The following ARMC3 variants were observed in gnomAD, a reference collection of about 807,000 sequenced individuals.
ARMC3 encodes the protein armadillo repeat containing 3.
A neutral mutation model predicts 90.3 loss-of-function variants in ARMC3; 74 were observed. The observed-to-expected ratio is 0.82, with a 90% CI of 0.68 to 0.99. ARMC3 has a LOEUF of 0.99. Ranked by LOEUF, ARMC3 falls within the 50% of genes least tolerant of loss-of-function variation. The pLI is 0.00. For missense variants in ARMC3, 958 were observed against 1,042.8 expected (o/e 0.92, Z 1.12); for synonymous variants, 334 against 361.8 (o/e 0.92, Z 0.87).
At chr10:23,023,090 C>A (rs1838575303) in intron 16 of ARMC3, among the ~76,000 whole-genome samples, 1 of 152,114 alleles carries the variant, frequency 6.6e-6, no homozygotes, top group Non-Finnish European at 1.5e-5. Context: ...ATCCATCTTA[C>A]ACAGGCTGGG....
chr10:22,995,097 G>A lies in ARMC3; in HGVS notation c.1176-3051G>A, dbSNP rs188489105. Among the ~76,000 whole-genome samples, 35 of 152,270 alleles carry A rather than the reference G, an allele frequency of 2.3e-4. 1 individual carries two copies. In the East Asian group the frequency reaches 6.8e-3, roughly 29 times the overall value. ...CTTCCATCCCATTCATTTGGATAAT[G>A]CTATACTATTTGGGAAACCAAAATA... On this transcript the variant is annotated intron_variant, in intron 10 of 18. Transcript: ENST00000298032.
intron 8 of ARMC3, among the ~76,000 whole-genome samples, chr10:22,970,654 C>T (rs771994122): frequency 2.0e-5 from 3 of 152,136 alleles, no homozygotes; most frequent in South Asian, 2.1e-4. Flanking sequence ...AACAGAGATG[C>T]GGTGTTCAGG....
intron 16 of ARMC3, among the ~76,000 whole-genome samples, chr10:23,013,617 G>A (rs1378066878): frequency 6.6e-6 from 1 of 151,982 alleles, no homozygotes; most frequent in Non-Finnish European, 1.5e-5. Flanking sequence ...TAGTTTCATG[G>A]TGAGAACATT....
chr10:22,950,997 G>C (rs1834719611), intron 3 of ARMC3, among the ~76,000 whole-genome samples: 1 of 151,366 alleles, frequency 6.6e-6, no homozygotes. Context: ...GAGTGCAGTG[G>C]CGCAATCTCG....
intron 11 of ARMC3, among the ~76,000 whole-genome samples, chr10:22,999,625 G>A (rs1837185008): frequency 6.6e-6 from 1 of 152,196 alleles, no homozygotes; most frequent in Admixed American, 6.5e-5. Context: ...AGGTATGTTT[G>A]TAATCCACAT....
At chr10:22,935,633 T>C (rs1834078678) in intron 2 of ARMC3, among the ~76,000 whole-genome samples, 1 of 152,220 alleles carries the variant, frequency 6.6e-6, no homozygotes, top group Non-Finnish European at 1.5e-5. Flanking sequence ...TATAAGGACT[T>C]CTTTTCCCAT....
At chr10:22,972,024 C>T (rs1479909788) in intron 8 of ARMC3, among the ~76,000 whole-genome samples, 2 of 152,160 alleles carry the variant, frequency 1.3e-5, no homozygotes, top group Non-Finnish European at 2.9e-5. Flanking sequence ...GTCCTTCTCC[C>T]ATTTTTTGAT....
intron 3 of ARMC3, among the ~76,000 whole-genome samples, chr10:22,951,997 C>T (rs951794307): frequency 3.9e-5 from 6 of 151,964 alleles, no homozygotes; most frequent in Non-Finnish European, 7.4e-5. Flanking sequence ...TGGTGGCATG[C>T]GTCTGTAGTC....
At chr10:22,963,840 A>G (rs956802183) in intron 7 of ARMC3, among the ~76,000 whole-genome samples, 5 of 139,272 alleles carry the variant, frequency 3.6e-5, no homozygotes, top group Admixed American at 3.2e-4. Context: ...CAGTGAGCTG[A>G]GATCGCACCA....
Position 22,961,914 on chromosome 10 carries a change from C to T in ARMC3, c.568C>T (p.Leu190=), listed in dbSNP as rs754047537. 6.2e-7 allele frequency: 1 copy of T among 1,607,384 alleles called. No homozygotes were observed. Among genetic ancestry groups the T allele is most frequent in the Non-Finnish European group, 8.5e-7 (1 of 1,178,184 alleles). The change falls in exon 7 of 19, where the codon CTA becomes TTA. Residue 190 remains leucine (L), a synonymous_variant. Coordinates refer to ENST00000298032, the MANE Select transcript of ARMC3 (RefSeq NM_173081.5). ...TCAGTGTCGAGCTAAACTTCAAGAACTAAATGCAATACCTCCTATCTTAGA... is the reference window on the plus strand; with the variant it reads ...TCAGTGTCGAGCTAAACTTCAAGAATTAAATGCAATACCTCCTATCTTAGA... ...DFQCRAKLQE[L]NAIPPILDLL...
chr10:22,964,227 G>A (rs1453621439), intron 7 of ARMC3, among the ~76,000 whole-genome samples: 1 of 152,032 alleles, frequency 6.6e-6, no homozygotes, highest in Non-Finnish European at 1.5e-5. Flanking sequence ...TCTATACACT[G>A]AAAAATATAA....
intron 7 of ARMC3, among the ~76,000 whole-genome samples, chr10:22,966,740 A>G (rs1835455767): frequency 6.6e-6 from 1 of 152,184 alleles, no homozygotes; most frequent in Non-Finnish European, 1.5e-5. Flanking sequence ...AAGGGGAAAC[A>G]GGTTCATCTT....
chr10:22,967,245 TTTAAACA>T (rs1835479135), intron 7 of ARMC3, among the ~76,000 whole-genome samples: 1 of 152,166 alleles, frequency 6.6e-6, no homozygotes, highest in African/African-American at 2.4e-5. Context: ...CAAAGTCTGT[TTTAAACA>T]TTAATCTCAT....
intron 10 of ARMC3, among the ~76,000 whole-genome samples, chr10:22,989,870 C>A (rs1297913437): frequency 1.3e-5 from 2 of 152,134 alleles, no homozygotes; most frequent in Non-Finnish European, 2.9e-5. Context: ...ATTTGGAAAA[C>A]AGAGAATGAA....
rs150583473 is a variant in ARMC3, at chr10:22,936,752, A to G, written c.48+4708A>G. Reference sequence around the variant, plus strand: ...TCTCAGTGCCCTTTTTAATAAAAAAATTACTATAATGGTGCAGGCTCTGTA... The same window carrying G: ...TCTCAGTGCCCTTTTTAATAAAAAAGTTACTATAATGGTGCAGGCTCTGTA... On this transcript the variant is annotated intron_variant, in intron 2 of 18. Transcript: ENST00000298032. Among the ~76,000 whole-genome samples, 369 of 152,258 alleles carry G rather than the reference A, an allele frequency of 2.4e-3. 1 individual carries two copies. The highest frequency in any genetic ancestry group is 8.6e-3 in the African/African-American group (359 of 41,550).
At chr10:22,956,520 T>C (rs950891122) in intron 4 of ARMC3, among the ~76,000 whole-genome samples, 10 of 151,848 alleles carry the variant, frequency 6.6e-5, no homozygotes, top group Non-Finnish European at 7.4e-5. Flanking sequence ...GGAGAATCGC[T>C]TGAACTCGGG....
chr10:22,945,159 A>T (rs1834478987), intron 2 of ARMC3, among the ~76,000 whole-genome samples: 1 of 152,198 alleles, frequency 6.6e-6, no homozygotes, highest in Non-Finnish European at 1.5e-5. Flanking sequence ...AAACTCACAC[A>T]ATCATGTTTC....
At chr10:23,008,057 TCG>T (rs1181630466) in intron 14 of ARMC3, among the ~76,000 whole-genome samples, 4 of 152,076 alleles carry the variant, frequency 2.6e-5, no homozygotes, top group Non-Finnish European at 5.9e-5. Context: ...TGAGCCATCA[TCG>T]CACCACTGCA....
chr10:23,019,316 C>T (rs960891960), intron 16 of ARMC3, among the ~76,000 whole-genome samples: 1 of 152,064 alleles, frequency 6.6e-6, no homozygotes, highest in Non-Finnish European at 1.5e-5. Flanking sequence ...TGTTAGAATA[C>T]AATTTGTGTA....
Sources: gnomAD v4.1 joint callset for allele counts (sites outside exome capture counted in the v4.1 genomes callset) on GRCh38, gnomAD v4.1.1 for gene constraint, MANE v1.5 for transcripts, NCBI Gene and HGNC (gene_info 2026-07-23, HGNC 2026-07-21) for gene names.